The following FOXRED1 variants were observed in gnomAD, a reference collection of about 807,000 sequenced individuals.
FOXRED1 encodes FAD-dependent oxidoreductase domain-containing protein 1.
A neutral mutation model predicts 57.8 loss-of-function variants in FOXRED1; 52 were observed. The ratio of observed to expected loss-of-function variants is 0.90; its 90% CI spans 0.72 to 1.13. The LOEUF (loss-of-function observed/expected upper bound fraction) is 1.13, where lower values mean the gene tolerates loss of function less well. Ranked by LOEUF, FOXRED1 falls within the 50% of genes most tolerant of loss-of-function variation. The pLI is 0.00. For synonymous variants in FOXRED1, 271 were observed against 248.3 expected, an observed-to-expected ratio of 1.09 and a Z score of -0.86; for missense variants, 589 against 625.2, an observed-to-expected ratio of 0.94 and a Z score of 0.62.
intron 9 of FOXRED1, 91 bp downstream of exon 9, chr11:126,276,614 G>T (rs992351785): frequency 2.8e-6 from 4 of 1,447,050 alleles, no homozygotes; most frequent in Non-Finnish European, 3.8e-6. Context: ...AGTAGCTCAT[G>T]CCTGTAATCT....
In FOXRED1 at chr11:126,274,699, G is replaced by C. The variant is rs1951082886; in HGVS notation, c.537-228G>C. The C allele has an allele frequency of 3.5e-6, 2 of 578,222 alleles. No individual in the cohort carries two copies. The highest frequency in any genetic ancestry group is 3.2e-5 in the East Asian group (1 of 31,560). The allele number at this position is 578,222 out of a possible 1,614,324, so 35.8% of individuals were successfully genotyped here. A position where few individuals can be genotyped will look rare whatever the true frequency, so the allele number is the denominator to read the frequency against. On this transcript the variant is annotated intron_variant, in intron 4 of 10. Transcript: ENST00000263578. This position sits in a 1 kb window ranked among gnomAD's most constrained non-coding sequence, Gnocchi z 4.8. Reference sequence around the variant, plus strand: ...ACTGGGATAGCAGGGAGCTCTGTGTGCTGAAGGGAGACAAGGGAGTAGGGA... The same window carrying C: ...ACTGGGATAGCAGGGAGCTCTGTGTCCTGAAGGGAGACAAGGGAGTAGGGA...
In FOXRED1 at chr11:126,271,474, C is replaced by A. The variant is rs550072006; in HGVS notation, c.123C>A (p.Ile41=). 47 of 1,614,130 alleles carry A rather than the reference C, an allele frequency of 2.9e-5. 1 individual carries two copies. The African/African-American group carries it at 5.5e-4, about 19-fold the overall frequency. The change falls in exon 2 of 11, where the codon ATC becomes ATA. Residue 41 remains isoleucine, a synonymous_variant. Coordinates refer to ENST00000263578, the MANE Select transcript of FOXRED1 (RefSeq NM_017547.4). This position sits in a 1 kb window ranked among gnomAD's most constrained non-coding sequence, Gnocchi z 5.3. ...DGKVSEIKKK[I]KSILPGRSCD... is the part of the protein sequence containing the mutation. ...AGGTGTCTGAGATTAAGAAGAAGATCAAGTCGATCCTGCCTGGAAGGTCCT... is the reference window on the plus strand; with the variant it reads ...AGGTGTCTGAGATTAAGAAGAAGATAAAGTCGATCCTGCCTGGAAGGTCCT...
intron 1 of FOXRED1, 189 bp downstream of exon 1, chr11:126,269,480 C>T: frequency 1.0e-6 from 1 of 1,003,514 alleles, no homozygotes; most frequent in Non-Finnish European, 1.5e-6. Context: ...CGGCCCTTTT[C>T]AGGTGGCAGG....
Position 126,277,501 on chromosome 11 carries a change from C to CA in FOXRED1, c.1274dup (p.His425GlnfsTer120). ...TGACCAGAATGGCGTGGTGGGCCCCCACCCGCTAGTTGTCAACATGTACTT... is the reference window on the plus strand; with the variant it reads ...TGACCAGAATGGCGTGGTGGGCCCCCAACCCGCTAGTTGTCAACATGTACTT... On this transcript the variant is annotated frameshift_variant, in exon 11 of 11. Coordinates refer to ENST00000263578, the MANE Select transcript of FOXRED1 (RefSeq NM_017547.4). LOFTEE classifies it high-confidence loss of function. The surrounding 1 kb of genome is among the most constrained non-coding windows in gnomAD (Gnocchi z 6.8). 6.2e-7 allele frequency: 1 copy of CA among 1,613,648 alleles called. No individual in the cohort carries two copies. The highest frequency in any genetic ancestry group is 8.5e-7 in the Non-Finnish European group (1 of 1,180,004).
Position 126,269,229 on chromosome 11 carries a change from A to C in FOXRED1, c.23A>C (p.His8Pro), listed in dbSNP as rs1488396261. Residue 8 changes from histidine (H) to proline (P), a missense_variant, in exon 1 of 11, where the codon CAC (histidine) becomes CCC (proline). Physicochemically the swap from His to Pro is moderately conservative, Grantham distance 77 (BLOSUM62 -2). Transcript: ENST00000263578. ...GTTATGATTCGGAGGGTTCTGCCGC[A>C]CGGCATGGGCCGGGGCCTCTTGACC... The part of the protein sequence containing the change: MIRRVLP[H>P]GMGRGLLTRR... 1.2e-6 allele frequency: 2 copies of C among 1,613,960 alleles called. No homozygotes were observed. Among genetic ancestry groups the C allele is most frequent in the African/African-American group, 2.7e-5 (2 of 74,948 alleles).
Position 126,273,358 on chromosome 11 carries a change from C to T in FOXRED1, c.440C>T (p.Ala147Val), listed in dbSNP as rs1322640916. The T allele has an allele frequency of 6.2e-7, 1 of 1,613,544 alleles. No individual in the cohort carries two copies. The change falls in exon 4 of 11, where the codon GCT becomes GTT. Residue 147 changes from alanine to valine, a missense_variant. Ala to Val is a moderately conservative substitution (Grantham distance 64). Transcript: ENST00000263578. This position sits in a 1 kb window ranked among gnomAD's most constrained non-coding sequence, Gnocchi z 5.9. ...CAGGAGTACCTGGCCGTAGTCGATG[C>T]TCCTCCCCTGGACCTCCGGTTCAAC... ...NINEYLAVVD[A>V]PPLDLRFNPS...
In FOXRED1 at chr11:126,273,701, G is replaced by A; in HGVS notation, c.536+247G>A. On this transcript the variant is annotated intron_variant, in intron 4 of 10. Transcript: ENST00000263578. The surrounding 1 kb of genome is among the most constrained non-coding windows in gnomAD (Gnocchi z 5.9). ...TGAAAACCACCTGGAACACATCCCA[G>A]ACCTAATAAACCAGAATCTCTAGGG... 1.9e-6 allele frequency: 1 copy of A among 523,606 alleles called. No individual in the cohort carries two copies. The highest frequency in any genetic ancestry group is 3.5e-5 in the East Asian group (1 of 28,630). 32.4% of individuals were successfully genotyped at this position (523,606 alleles called of 1,614,324 possible). A position where few individuals can be genotyped will look rare whatever the true frequency, so the allele number is the denominator to read the frequency against.
In FOXRED1 at chr11:126,277,167, A is replaced by G. The variant is rs1565357708; in HGVS notation, c.1198A>G (p.Thr400Ala). 15 of 1,595,722 alleles carry G rather than the reference A, an allele frequency of 9.4e-6. No homozygotes were observed. Among genetic ancestry groups the G allele is most frequent in the Non-Finnish European group, 1.3e-5 (15 of 1,163,678 alleles). ...GGCCCTGAGGGTCCCAGCTTTTGAG[A>G]CTCTGAAGGTAACTGGCAAGGGCTG... ...HLALRVPAFETLKVQSAWAGY... is the reference protein window; with the variant it reads ...HLALRVPAFEALKVQSAWAGY... The change falls in exon 10 of 11, where the codon ACT becomes GCT. Residue 400 changes from threonine to alanine, a missense_variant. Physicochemically the swap from Thr to Ala is moderately conservative, Grantham distance 58 (BLOSUM62 0). Transcript: ENST00000263578. This position sits in a 1 kb window ranked among gnomAD's most constrained non-coding sequence, Gnocchi z 6.8.
chr11:126,274,862 A>C lies in FOXRED1; in HGVS notation c.537-65A>C. The C allele has an allele frequency of 1.1e-6, 1 of 946,722 alleles. No homozygotes were observed. The highest frequency in any genetic ancestry group is 1.8e-6 in the Non-Finnish European group (1 of 570,130). The allele number at this position is 946,722 out of a possible 1,614,324, so 58.6% of individuals were successfully genotyped here. A position where few individuals can be genotyped will look rare whatever the true frequency, so the allele number is the denominator to read the frequency against. On this transcript the variant is annotated intron_variant, in intron 4 of 10. Transcript: ENST00000263578. This position sits in a 1 kb window ranked among gnomAD's most constrained non-coding sequence, Gnocchi z 4.8. ...CTCCCCACTTGTGGAGTTGGGGTCC[A>C]TACATCATCCCCCTGCACACTCCCC...
Position 126,277,518 on chromosome 11 carries a change from C to A in FOXRED1, c.1290C>A (p.Asn430Lys), listed in dbSNP as rs1212504029. Residue 430 changes from asparagine to lysine, a missense_variant, in exon 11 of 11, where the codon AAC becomes AAA. Coordinates refer to ENST00000263578, the MANE Select transcript of FOXRED1 (RefSeq NM_017547.4). The surrounding 1 kb of genome is among the most constrained non-coding windows in gnomAD (Gnocchi z 6.8). ...TGGGCCCCCACCCGCTAGTTGTCAA[C>A]ATGTACTTTGCTACTGGCTTCAGTG... ...GVVGPHPLVV[N>K]MYFATGFSGH... The A allele has an allele frequency of 6.2e-7, 1 of 1,613,762 alleles. No homozygotes were observed. The highest frequency in any genetic ancestry group is 8.5e-7 in the Non-Finnish European group (1 of 1,180,006).
rs1321740498 is a variant in FOXRED1 at position 126,271,800 on chromosome 11, T to C, written c.306+143T>C. Reference sequence around the variant, plus strand: ...CGGACAGAGATTGTGCTTTGGACTTTGTTGAGAAATTTTCCTAGGATCTTC... The same window carrying C: ...CGGACAGAGATTGTGCTTTGGACTTCGTTGAGAAATTTTCCTAGGATCTTC... On this transcript the variant is annotated intron_variant, in intron 2 of 10. Coordinates refer to ENST00000263578, the MANE Select transcript of FOXRED1 (RefSeq NM_017547.4). This position sits in a 1 kb window ranked among gnomAD's most constrained non-coding sequence, Gnocchi z 5.3. 3 of 732,778 alleles carry C rather than the reference T, an allele frequency of 4.1e-6. No homozygotes were observed. Among genetic ancestry groups the C allele is most frequent in the East Asian group, 2.7e-5 (1 of 36,826 alleles). 45.4% of individuals were successfully genotyped at this position (732,778 alleles called of 1,614,324 possible). A position where few individuals can be genotyped will look rare whatever the true frequency, so the allele number is the denominator to read the frequency against.
rs1246317764 is a variant in FOXRED1 at position 126,275,758 on chromosome 11, A to G, written c.734-36A>G. The G allele has an allele frequency of 7.2e-7, 1 of 1,385,704 alleles. No individual in the cohort carries two copies. The highest frequency in any genetic ancestry group is 1.2e-5 in the South Asian group (1 of 86,506). The allele number at this position is 1,385,704 out of a possible 1,614,324, so 85.8% of individuals were successfully genotyped here. ...AATCCCCATTTCATTCCTCTTCAGC[A>G]CCTCTACGGCCTATTTTTCATTTTC... On this transcript the variant is annotated intron_variant, in intron 6 of 10. Transcript: ENST00000263578. The surrounding 1 kb of genome is among the most constrained non-coding windows in gnomAD (Gnocchi z 5.9).
In FOXRED1 at chr11:126,273,195, A is replaced by G. The variant is rs563391934; in HGVS notation, c.417+116A>G. 1.1e-6 allele frequency: 1 copy of G among 946,014 alleles called. No homozygotes were observed. The highest frequency in any genetic ancestry group is 2.4e-5 in the East Asian group (1 of 41,932). 58.6% of individuals were successfully genotyped at this position (946,014 alleles called of 1,614,324 possible). A position where few individuals can be genotyped will look rare whatever the true frequency, so the allele number is the denominator to read the frequency against. On this transcript the variant is annotated intron_variant, in intron 3 of 10. Coordinates refer to ENST00000263578, the MANE Select transcript of FOXRED1 (RefSeq NM_017547.4). This position sits in a 1 kb window ranked among gnomAD's most constrained non-coding sequence, Gnocchi z 5.9. ...CAAGAATGGGTCAGCCAACTAGGAG[A>G]GGGGGGCCCTGGCCTTCTTCCTAGT...
At position 126,271,433 on chromosome 11, in the gene FOXRED1, A is replaced by G; in HGVS notation, c.86-4A>G. On this transcript the variant is annotated splice_polypyrimidine_tract_variant and splice_region_variant and intron_variant, in intron 1 of 10. Coordinates refer to ENST00000263578, the MANE Select transcript of FOXRED1 (RefSeq NM_017547.4). This position sits in a 1 kb window ranked among gnomAD's most constrained non-coding sequence, Gnocchi z 5.3. ...GGCCCTCTGACCCTAACTACATCCC[A>G]CAGACTGGGATGGAAAGGTGTCTGA... 1.2e-6 allele frequency: 2 copies of G among 1,611,166 alleles called. No homozygotes were observed. The highest frequency in any genetic ancestry group is 1.7e-6 in the Non-Finnish European group (2 of 1,177,384).
rs1950897045 is a variant in FOXRED1, at chr11:126,269,194, G to T, written c.-13G>T. Reference sequence around the variant, plus strand: ...GCAGTGCAGCTTTCAGAGGGTCCGGGCTCAGAGGGGTTATGATTCGGAGGG... The same window carrying T: ...GCAGTGCAGCTTTCAGAGGGTCCGGTCTCAGAGGGGTTATGATTCGGAGGG... On this transcript the variant is annotated 5_prime_UTR_variant, in exon 1 of 11. Transcript: ENST00000263578. The T allele has an allele frequency of 2.5e-6, 4 of 1,603,056 alleles. No homozygotes were observed. Among genetic ancestry groups the T allele is most frequent in the South Asian group, 1.1e-5 (1 of 90,862 alleles).
Position 126,271,929 on chromosome 11 carries a change from C to T in FOXRED1, c.306+272C>T. On this transcript the variant is annotated intron_variant, in intron 2 of 10. Coordinates refer to ENST00000263578, the MANE Select transcript of FOXRED1 (RefSeq NM_017547.4). This position sits in a 1 kb window ranked among gnomAD's most constrained non-coding sequence, Gnocchi z 5.3. ...TCATAGCTCTGGTCATGAGAGCCTG[C>T]ATTCAAGCTATAATTAAGTGTCTCA... 9.1e-6 allele frequency: 4 copies of T among 438,080 alleles called. No homozygotes were observed. Among genetic ancestry groups the T allele is most frequent in the Non-Finnish European group, 1.7e-5 (4 of 235,856 alleles). The allele number at this position is 438,080 out of a possible 1,614,324, so 27.1% of individuals were successfully genotyped here.
chr11:126,276,379 C>G lies in FOXRED1; in HGVS notation c.972-15C>G. ...ATGCTGTTTCTGCAGTTCGTAACCG[C>G]ACTGGTTGTGGCAGGTATGTGTATG... On this transcript the variant is annotated splice_polypyrimidine_tract_variant and intron_variant, in intron 8 of 10. Transcript: ENST00000263578. 9.5e-7 allele frequency: 1 copy of G among 1,053,686 alleles called. No individual in the cohort carries two copies. Among genetic ancestry groups the G allele is most frequent in the Non-Finnish European group, 1.2e-6 (1 of 864,084 alleles). 65.3% of individuals were successfully genotyped at this position (1,053,686 alleles called of 1,614,324 possible).
chr11:126,274,715 G>A lies in FOXRED1; in HGVS notation c.537-212G>A. ...GCTCTGTGTGCTGAAGGGAGACAAG[G>A]GAGTAGGGAAGGAAAGGCAGTCAAG... On this transcript the variant is annotated intron_variant, in intron 4 of 10. Coordinates refer to ENST00000263578, the MANE Select transcript of FOXRED1 (RefSeq NM_017547.4). This position sits in a 1 kb window ranked among gnomAD's most constrained non-coding sequence, Gnocchi z 4.8. 3 of 613,530 alleles carry A rather than the reference G, an allele frequency of 4.9e-6. No individual in the cohort carries two copies. Among genetic ancestry groups the A allele is most frequent in the Non-Finnish European group, 8.9e-6 (3 of 337,042 alleles). 38.0% of individuals were successfully genotyped at this position (613,530 alleles called of 1,614,324 possible). A position where few individuals can be genotyped will look rare whatever the true frequency, so the allele number is the denominator to read the frequency against.
chr11:126,276,152 G>T lies in FOXRED1; in HGVS notation c.904G>T (p.Ala302Ser). ...CTGGTCTGCGCAAATCGCAGCACTG[G>T]CTGGTGTTGGAGAGGGGCCGCCTGG... is the stretch of plus-strand genomic sequence containing the variant. ...GAWSAQIAAL[A>S]GVGEGPPGTL... is the part of the protein sequence containing the mutation. The change falls in exon 8 of 11, where the codon GCT (alanine) becomes TCT (serine). Residue 302 changes from alanine (A) to serine (S), a missense_variant. Physicochemically the swap from Ala to Ser is moderately conservative, Grantham distance 99. Transcript: ENST00000263578. 6.2e-7 allele frequency: 1 copy of T among 1,611,700 alleles called. No homozygotes were observed. The highest frequency in any genetic ancestry group is 8.5e-7 in the Non-Finnish European group (1 of 1,179,576).
Sources: gnomAD v4.1 joint callset for allele counts on GRCh38, gnomAD v4.1.1 for gene constraint, Gnocchi (gnomAD v3.1) non-coding constraint, MANE v1.5 for transcripts, NCBI Gene and HGNC (gene_info 2026-07-23, HGNC 2026-07-21) for gene names.